Variants in TMEM181 observed in about 807,000 individuals in gnomAD.
The protein encoded by TMEM181 is transmembrane protein 181.
Under a neutral mutation model 71.9 loss-of-function variants are expected in TMEM181, and 39 were observed. That is an observed-to-expected ratio of 0.54 (90% CI 0.42 to 0.71). The LOEUF (loss-of-function observed/expected upper bound fraction) is 0.71. TMEM181 is among the 30% of genes least tolerant of loss of function. The probability of loss-of-function intolerance (pLI) is 0.00; values close to 1 mark genes in which losing one functional copy is unlikely to be tolerated. For synonymous variants in TMEM181, 245 were observed against 228.8 expected (o/e 1.07, Z -0.64); for missense variants, 595 against 583.0 (o/e 1.02, Z -0.21).
At chr6:158,559,896 C>T (rs1222389221), upstream of TMEM181, among the ~76,000 whole-genome samples, 1 of 152,246 alleles carries the variant, frequency 6.6e-6, no homozygotes. Flanking sequence ...CATTCATTCA[C>T]TCATTCCTTC....
At chr6:158,565,387 AGCTGGCCAG>A (rs1782431185) in intron 1 of TMEM181, among the ~76,000 whole-genome samples, 1 of 152,168 alleles carries the variant, frequency 6.6e-6, no homozygotes, top group African/African-American at 2.4e-5. Flanking sequence ...ATGGCTTTAC[AGCTGGCCAG>A]GCCTGAGCAA....
chr6:158,606,273 G>C (rs113468734), intron 7 of TMEM181, among the ~76,000 whole-genome samples: 57 of 114,282 alleles, frequency 5.0e-4, no homozygotes, highest in Middle Eastern at 5.4e-3. Flanking sequence ...TGGAGGGAAG[G>C]GCGTGGGCGC....
chr6:158,628,639 A>C, intron 14 of TMEM181, 149 bp downstream of exon 14: 3 of 670,320 alleles, frequency 4.5e-6, no homozygotes, highest in South Asian at 1.8e-5. Flanking sequence ...GAGGTGTCTC[A>C]GTTGGCCCCG....
intron 6 of TMEM181, among the ~76,000 whole-genome samples, chr6:158,603,781 C>T (rs1784797103): frequency 6.6e-6 from 1 of 151,904 alleles, no homozygotes; most frequent in African/African-American, 2.4e-5. Flanking sequence ...AGTTTTGATT[C>T]GTTGTTTTTT....
intron 1 of TMEM181, chr6:158,536,994 C>A: frequency 2.0e-6 from 1 of 500,328 alleles, no homozygotes; most frequent in Non-Finnish European, 2.7e-6. Context: ...GGCGCGGAGC[C>A]TACGGATGGG....
chr6:158,575,256 A>T (rs1783093797), intron 2 of TMEM181, among the ~76,000 whole-genome samples: 1 of 152,232 alleles, frequency 6.6e-6, no homozygotes, highest in South Asian at 2.1e-4. Context: ...TTTTAGAGTT[A>T]GGAGTACCTT....
chr6:158,598,014 G>A (rs1322767267), intron 6 of TMEM181, among the ~76,000 whole-genome samples: 2 of 152,066 alleles, frequency 1.3e-5, no homozygotes, highest in Non-Finnish European at 2.9e-5. Flanking sequence ...GGAATACGTC[G>A]TGCCCACACC....
chr6:158,576,987 G>A (rs1461601638), intron 2 of TMEM181, among the ~76,000 whole-genome samples: 5 of 151,038 alleles, frequency 3.3e-5, no homozygotes, highest in East Asian at 3.9e-4. Context: ...GTGTGAACCC[G>A]GGAGGTAGAG....
upstream of TMEM181, among the ~76,000 whole-genome samples, chr6:158,557,037 G>C (rs1335723635): frequency 1.3e-5 from 2 of 152,090 alleles, no homozygotes; most frequent in Admixed American, 1.3e-4. Flanking sequence ...ACTGCACCTG[G>C]CCTGTTTTTA....
intron 11 of TMEM181, among the ~76,000 whole-genome samples, chr6:158,623,813 T>A (rs1583052447): frequency 6.6e-6 from 1 of 150,820 alleles, no homozygotes; most frequent in Non-Finnish European, 1.5e-5. Flanking sequence ...CAGGCTGGAG[T>A]GCAGTGGTGC....
At chr6:158,560,684 C>T (rs942821022) in intron 1 of TMEM181, among the ~76,000 whole-genome samples, 5 of 152,200 alleles carry the variant, frequency 3.3e-5, no homozygotes, top group African/African-American at 9.6e-5. Flanking sequence ...CGGTCTCGCC[C>T]AGCGCCGGGT....
chr6:158,571,033 C>T (rs1385222711), intron 1 of TMEM181, among the ~76,000 whole-genome samples: 1 of 151,618 alleles, frequency 6.6e-6, no homozygotes, highest in Non-Finnish European at 1.5e-5. Context: ...CTGCTTCAGC[C>T]TCCTGAACAG....
At chr6:158,599,866 C>T (rs1462076295) in intron 6 of TMEM181, among the ~76,000 whole-genome samples, 1 of 152,250 alleles carries the variant, frequency 6.6e-6, no homozygotes, top group East Asian at 1.9e-4. Context: ...GCTGGGCTGG[C>T]CCAGGAGGAG....
At chr6:158,597,990 A>C (rs1248970059) in intron 6 of TMEM181, among the ~76,000 whole-genome samples, 1 of 152,136 alleles carries the variant, frequency 6.6e-6, no homozygotes, top group Non-Finnish European at 1.5e-5. Context: ...CTCTTGTATC[A>C]GCTCTTACTC....
intron 3 of TMEM181, 107 bp downstream of exon 3, chr6:158,581,102 G>A: frequency 9.1e-7 from 1 of 1,097,224 alleles, no homozygotes; most frequent in South Asian, 1.6e-5. Context: ...CCCTTGCCTT[G>A]CGGCTTCTCA....
At chr6:158,596,179 A>G (rs939565110) in intron 6 of TMEM181, among the ~76,000 whole-genome samples, 3 of 152,180 alleles carry the variant, frequency 2.0e-5, no homozygotes, top group Admixed American at 6.5e-5. Flanking sequence ...CTAGTCTCCC[A>G]AAGTGCTGGG....
At chr6:158,548,265 A>G (rs1030780585) in intron 1 of TMEM181, among the ~76,000 whole-genome samples, 9 of 152,142 alleles carry the variant, frequency 5.9e-5, no homozygotes, top group Admixed American at 3.9e-4. Context: ...GTCTGACTCC[A>G]TCCTCTCTCC....
rs1782159526 is a variant in TMEM181, at chr6:158,561,312, T to C, written c.8+1080T>C. Among the ~76,000 whole-genome samples, 4 of 152,364 alleles carry C rather than the reference T, an allele frequency of 2.6e-5. No homozygotes were observed. In the South Asian group the frequency reaches 8.3e-4, roughly 32 times the overall value. On this transcript the variant is annotated intron_variant, in intron 1 of 16. Coordinates refer to ENST00000684151, the MANE Select transcript of TMEM181 (RefSeq NM_001376852.1). Reference sequence around the variant, plus strand: ...GTTGCTTTAGCACCTCTTGGGAAACTGGAATGGCATCAAATATCAGACCTA... The same window carrying C: ...GTTGCTTTAGCACCTCTTGGGAAACCGGAATGGCATCAAATATCAGACCTA...
upstream of TMEM181, among the ~76,000 whole-genome samples, chr6:158,559,045 G>C (rs1562619047): frequency 6.6e-6 from 1 of 152,168 alleles, no homozygotes; most frequent in South Asian, 2.1e-4. Context: ...GAGCACTAAT[G>C]AGATTTTGTG....
Sources: gnomAD v4.1 joint callset for allele counts (sites outside exome capture counted in the v4.1 genomes callset) on GRCh38, gnomAD v4.1.1 for gene constraint, MANE v1.5 for transcripts, NCBI Gene and HGNC (gene_info 2026-07-23, HGNC 2026-07-21) for gene names.